The following SMARCA5 variants were observed in gnomAD, a reference collection of about 807,000 sequenced individuals.
SMARCA5 encodes the protein SNF2 related chromatin remodeling ATPase 5.
A neutral mutation model predicts 140.4 loss-of-function variants in SMARCA5; 18 were observed. The ratio of observed to expected loss-of-function variants is 0.13; its 90% CI spans 0.09 to 0.19. The LOEUF is 0.19. Among genes scored for constraint, SMARCA5 ranks in the 10% least tolerant of loss-of-function variants. The pLI is 1.00. For missense variants in SMARCA5, 606 were observed against 1,276.8 expected, an observed-to-expected ratio of 0.47 and a Z score of 8.01; for synonymous variants, 449 against 419.6, an observed-to-expected ratio of 1.07 and a Z score of -0.86.
Position 143,543,510 on chromosome 4 carries a change from G to T in SMARCA5, c.1905G>T (p.Gly635=). ...LRLDSIVIQQ[G]RLVDQNLNKI... Reference sequence around the variant, plus strand: ...TTATACAACACAATCTTTTTTCAGGGAGGCTTGTGGATCAGAATCTGAACA... The same window carrying T: ...TTATACAACACAATCTTTTTTCAGGTAGGCTTGTGGATCAGAATCTGAACA... The change falls in exon 15 of 24, where the codon GGG becomes GGT. Residue 635 remains glycine (G), a splice_region_variant and synonymous_variant. Coordinates refer to ENST00000283131, the MANE Select transcript of SMARCA5 (RefSeq NM_003601.4). The T allele has an allele frequency of 6.2e-7, 1 of 1,610,322 alleles. No individual in the cohort carries two copies. Among genetic ancestry groups the T allele is most frequent in the African/African-American group, 1.3e-5 (1 of 74,762 alleles).
rs1736760240 is a variant in SMARCA5, at chr4:143,513,944, C to T, written c.20C>T (p.Pro7Leu). Residue 7 changes from proline to leucine, a missense_variant, in exon 1 of 24, where the codon CCT becomes CTT. This residue lies in a region of SMARCA5 where 164 missense variants were observed against 128.4 expected (regional missense o/e 1.28). Coordinates refer to ENST00000283131, the MANE Select transcript of SMARCA5 (RefSeq NM_003601.4). Reference sequence around the variant, plus strand: ...AACATCATGTCGTCCGCGGCCGAGCCTCCGCCACCCCCGCCTCCCGAGAGC... The same window carrying T: ...AACATCATGTCGTCCGCGGCCGAGCTTCCGCCACCCCCGCCTCCCGAGAGC... MSSAAE[P>L]PPPPPPESAP... The T allele has an allele frequency of 1.1e-5, 17 of 1,547,912 alleles. No homozygotes were observed. Among genetic ancestry groups the T allele is most frequent in the Non-Finnish European group, 1.4e-5 (16 of 1,153,896 alleles).
chr4:143,517,433 T>C lies in SMARCA5; in HGVS notation c.252+4T>C. 1 of 1,593,478 alleles carries C rather than the reference T, an allele frequency of 6.3e-7. No homozygotes were observed. The highest frequency in any genetic ancestry group is 8.6e-7 in the Non-Finnish European group (1 of 1,168,620). ...TCCTACCTATGAAGAAAAAATGGTA[T>C]GTTCTAGGCTTGTGAATAGAGTCTA... On this transcript the variant is annotated splice_donor_region_variant and intron_variant, in intron 2 of 23. Coordinates refer to ENST00000283131, the MANE Select transcript of SMARCA5 (RefSeq NM_003601.4).
chr4:143,536,927 T>C (rs1737319447), intron 11 of SMARCA5, among the ~76,000 whole-genome samples: 1 of 152,222 alleles, frequency 6.6e-6, no homozygotes, highest in African/African-American at 2.4e-5. Flanking sequence ...ACTTTATATA[T>C]ACTTTCCTAG....
chr4:143,553,696 A>G lies in SMARCA5; in HGVS notation c.*512A>G, dbSNP rs1044156. 81,568 of 151,994 alleles carry G rather than the reference A, an allele frequency of 0.54. 22,236 individuals carry two copies. The highest frequency in any genetic ancestry group is 0.64 in the Middle Eastern group (189 of 294). The allele number at this position is 151,994 out of a possible 1,614,324, so 9.4% of individuals were successfully genotyped here. On this transcript the variant is annotated 3_prime_UTR_variant, in exon 24 of 24. Transcript: ENST00000283131. ...CCTTGCTTATGTGGGTAGAATGGGA[A>G]AAGAAGGCAAGACAAAGTATACTTA...
At chr4:143,531,529 G>T (rs1395993618) in intron 9 of SMARCA5, among the ~76,000 whole-genome samples, 1 of 152,164 alleles carries the variant, frequency 6.6e-6, no homozygotes, top group African/African-American at 2.4e-5. Flanking sequence ...GAACGTGATT[G>T]TCCTGTGTAT....
chr4:143,544,943 G>GT, intron 17 of SMARCA5, 96 bp downstream of exon 17: 6 of 508,166 alleles, frequency 1.2e-5, no homozygotes, highest in Admixed American at 4.0e-5. Flanking sequence ...TAGATTTTGT[G>GT]TTTCTTTTTT....
chr4:143,533,628 C>T (rs1737245015), intron 9 of SMARCA5, among the ~76,000 whole-genome samples: 1 of 151,856 alleles, frequency 6.6e-6, no homozygotes, highest in Non-Finnish European at 1.5e-5. Flanking sequence ...CTGTCTCAGC[C>T]TCCCAAGTAG....
chr4:143,536,828 C>A (rs74463863), intron 11 of SMARCA5, 150 bp downstream of exon 11: 8,706 of 628,086 alleles, frequency 0.014, 94 homozygotes, highest in Non-Finnish European at 0.017. Flanking sequence ...TGAGCTCTAA[C>A]CCCCACTCCT....
rs1397167846 is a variant in SMARCA5 at position 143,554,002 on chromosome 4, G to A, written c.*818G>A. ...TTTTTTTTTTAATTTTGAAAGCCCAGCCAAAATGAGGTGTGAATTTGTCAT... is the reference window on the plus strand; with the variant it reads ...TTTTTTTTTTAATTTTGAAAGCCCAACCAAAATGAGGTGTGAATTTGTCAT... On this transcript the variant is annotated 3_prime_UTR_variant, in exon 24 of 24. Transcript: ENST00000283131. The A allele has an allele frequency of 6.6e-6, 1 of 151,026 alleles. No individual in the cohort carries two copies. The highest frequency in any genetic ancestry group is 2.4e-5 in the African/African-American group (1 of 41,042). The allele number at this position is 151,026 out of a possible 1,614,324, so 9.4% of individuals were successfully genotyped here. A position where few individuals can be genotyped will look rare whatever the true frequency, so the allele number is the denominator to read the frequency against.
At chr4:143,535,049 A>G (rs1737275572) in intron 10 of SMARCA5, 85 bp downstream of exon 10, 2 of 923,350 alleles carry the variant, frequency 2.2e-6, no homozygotes, top group South Asian at 1.8e-5. Flanking sequence ...TTGTGTCTTC[A>G]TGGAATTCCA....
At chr4:143,532,050 CT>C (rs1457888735) in intron 9 of SMARCA5, among the ~76,000 whole-genome samples, 2 of 152,132 alleles carry the variant, frequency 1.3e-5, no homozygotes, top group African/African-American at 4.8e-5. Context: ...ATTTATTTGT[CT>C]TTGTATACCT....
chr4:143,548,025 G>A lies in SMARCA5; in HGVS notation c.2870G>A (p.Cys957Tyr). The A allele has an allele frequency of 6.2e-7, 1 of 1,610,896 alleles. No individual in the cohort carries two copies. The highest frequency in any genetic ancestry group is 8.5e-7 in the Non-Finnish European group (1 of 1,177,364). ...YTEEEDRFLI[C>Y]MLHKLGFDKE... is the part of the protein sequence containing the mutation. ...GAAGAAGAAGATCGTTTTCTGATTTGTATGCTTCACAAACTTGGATTTGAC... is the reference window on the plus strand; with the variant it reads ...GAAGAAGAAGATCGTTTTCTGATTTATATGCTTCACAAACTTGGATTTGAC... Residue 957 changes from cysteine (C) to tyrosine (Y), a missense_variant, in exon 22 of 24, where the codon TGT (cysteine) becomes TAT (tyrosine). Cys to Tyr is a radical substitution (Grantham distance 194, BLOSUM62 -2). Transcript: ENST00000283131.
At chr4:143,542,105 C>T (rs535322808) in intron 14 of SMARCA5, among the ~76,000 whole-genome samples, 6 of 152,118 alleles carry the variant, frequency 3.9e-5, no homozygotes, top group Non-Finnish European at 8.8e-5. Flanking sequence ...GGCGATCCAC[C>T]CACCTCAGCC....
intron 1 of SMARCA5, among the ~76,000 whole-genome samples, chr4:143,516,053 T>A (rs999106088): frequency 4.6e-5 from 7 of 152,070 alleles, no homozygotes; most frequent in Admixed American, 1.3e-4. Context: ...CAATTCATGA[T>A]ATAAACTAAG....
intron 3 of SMARCA5, among the ~76,000 whole-genome samples, chr4:143,522,963 A>T (rs6820720): frequency 0.03 from 4,537 of 152,240 alleles, 246 homozygotes; most frequent in African/African-American, 0.1. Context: ...ATGGGAAGCT[A>T]ATTTACCTAA....
intron 3 of SMARCA5, among the ~76,000 whole-genome samples, chr4:143,522,658 C>A (rs1736985556): frequency 6.6e-6 from 1 of 152,032 alleles, no homozygotes; most frequent in Non-Finnish European, 1.5e-5. Context: ...ACAATTTTGC[C>A]CTTCAGCTGT....
In SMARCA5 at chr4:143,555,010, G is replaced by T; in HGVS notation, c.*1826G>T. ...TGTGTTTGGCCAAGTTCACAAATCT[G>T]TTTTAACCTGTCACTTCCCTGTCAC... is the stretch of plus-strand genomic sequence containing the variant. On this transcript the variant is annotated 3_prime_UTR_variant, in exon 24 of 24. Coordinates refer to ENST00000283131, the MANE Select transcript of SMARCA5 (RefSeq NM_003601.4). 2.0e-6 allele frequency: 1 copy of T among 494,486 alleles called. No homozygotes were observed. Among genetic ancestry groups the T allele is most frequent in the Non-Finnish European group, 3.9e-6 (1 of 257,168 alleles). The allele number at this position is 494,486 out of a possible 1,614,324, so 30.6% of individuals were successfully genotyped here.
chr4:143,539,850 C>T (rs1311014212), intron 13 of SMARCA5, among the ~76,000 whole-genome samples: 1 of 152,076 alleles, frequency 6.6e-6, no homozygotes, highest in Non-Finnish European at 1.5e-5. Context: ...TAGTCACTTT[C>T]ATCTTGTACT....
chr4:143,532,674 T>G, intron 9 of SMARCA5, among the ~76,000 whole-genome samples: 1 of 152,044 alleles, frequency 6.6e-6, no homozygotes, highest in Non-Finnish European at 1.5e-5. Context: ...GAACCCCTTA[T>G]TCCCTCCACC....
Sources: allele counts gnomAD v4.1 joint callset (sites outside exome capture counted in the v4.1 genomes callset), GRCh38; gene constraint gnomAD v4.1.1; regional missense constraint gnomAD v4.1.1; transcripts MANE v1.5; gene names NCBI Gene and HGNC (gene_info 2026-07-23, HGNC 2026-07-21).